FARP2: variants seen among roughly 807,000 people sequenced by gnomAD.
The protein encoded by FARP2 is FERM, ARH/RhoGEF and pleckstrin domain protein 2.
Under a neutral mutation model 130.5 loss-of-function variants are expected in FARP2, and 111 were observed. That is an observed-to-expected ratio of 0.85 (90% confidence interval 0.73 to 1.00). The LOEUF is 1.00. Ranked by LOEUF, FARP2 falls within the 50% of genes least tolerant of loss-of-function variation. The pLI, the probability that FARP2 is intolerant of heterozygous loss-of-function variation, is 0.00. For synonymous variants in FARP2, 504 were observed against 516.9 expected (o/e 0.98, Z 0.34); for missense variants, 1,385 against 1,346.3 (o/e 1.03, Z -0.45).
chr2:241,410,016 G>A (rs2150360122), intron 5 of FARP2, among the ~76,000 whole-genome samples: 1 of 152,234 alleles, frequency 6.6e-6, no homozygotes, highest in South Asian at 2.1e-4. Flanking sequence ...ATTGTGCACT[G>A]GGGCATGAAT....
At chr2:241,466,265 G>T in intron 17 of FARP2, 2 of 985,468 alleles carry the variant, frequency 2.0e-6, no homozygotes, top group African/African-American at 1.7e-5. Flanking sequence ...TGGAGCCCCG[G>T]TGTGGAGTGG....
At chr2:241,370,486 G>C (rs968752554) in intron 1 of FARP2, among the ~76,000 whole-genome samples, 1 of 152,108 alleles carries the variant, frequency 6.6e-6, no homozygotes, top group Non-Finnish European at 1.5e-5. Context: ...CCATCCCGTA[G>C]TGTAGACATA....
Position 241,494,364 on chromosome 2 carries a change from C to G in FARP2, c.*239C>G. The G allele has an allele frequency of 9.3e-6, 3 of 322,206 alleles. No homozygotes were observed. Among genetic ancestry groups the G allele is most frequent in the East Asian group, 4.8e-5 (1 of 20,954 alleles). The allele number at this position is 322,206 out of a possible 1,614,324, so 20.0% of individuals were successfully genotyped here. A position where few individuals can be genotyped will look rare whatever the true frequency, so the allele number is the denominator to read the frequency against. Reference sequence around the variant, plus strand: ...GGGAAAAATGTGCGAGTCTTGAGCGCGGAGCCGCTCAAGCCACAGCTCCCA... The same window carrying G: ...GGGAAAAATGTGCGAGTCTTGAGCGGGGAGCCGCTCAAGCCACAGCTCCCA... On this transcript the variant is annotated 3_prime_UTR_variant, in exon 27 of 27. Transcript: ENST00000264042. The surrounding 1 kb of genome is among the most constrained non-coding windows in gnomAD (Gnocchi z 4.9).
At position 241,418,393 on chromosome 2, in the gene FARP2, C is replaced by G. The variant is rs577833533; in HGVS notation, c.771+284C>G. On this transcript the variant is annotated intron_variant, in intron 8 of 26. Transcript: ENST00000264042. Reference sequence around the variant, plus strand: ...GGATTCCCCACTGCCTCCTGCCCCCCAGGGCTGCCCACTGCCTCTGGGACT... The same window carrying G: ...GGATTCCCCACTGCCTCCTGCCCCCGAGGGCTGCCCACTGCCTCTGGGACT... 1.5e-3 allele frequency among the ~76,000 whole-genome samples: 221 copies of G among 152,258 alleles called. No individual in the cohort carries two copies. The Middle Eastern group carries it at 0.017, about 12-fold the overall frequency.
chr2:241,441,360 CT>C lies in FARP2; in HGVS notation c.1219del (p.Tyr407ThrfsTer82). On this transcript the variant is annotated frameshift_variant, in exon 13 of 27. Coordinates refer to ENST00000264042, the MANE Select transcript of FARP2 (RefSeq NM_014808.4). LOFTEE classifies it high-confidence loss of function. ...CTGCCTCCCCATCTTCAGCGAATGC[CT>C]TTTACTCGCTCTCTCCCTCCACTCT... Reference protein sequence around the residue: ...TPASPSSANAFYSLSPSTLVP... With the variant: ...TPASPSSANAXYSLSPSTLVP... 1 of 1,613,960 alleles carries C rather than the reference CT, an allele frequency of 6.2e-7. No homozygotes were observed. The highest frequency in any genetic ancestry group is 8.5e-7 in the Non-Finnish European group (1 of 1,179,846).
chr2:241,381,861 C>G (rs540246273), intron 2 of FARP2, among the ~76,000 whole-genome samples: 1 of 152,316 alleles, frequency 6.6e-6, no homozygotes, highest in Non-Finnish European at 1.5e-5. Flanking sequence ...TGAAGCTGCC[C>G]CTGGTGAAGC....
chr2:241,470,387 C>T (rs1053017316), intron 18 of FARP2, among the ~76,000 whole-genome samples: 8 of 150,330 alleles, frequency 5.3e-5, no homozygotes, highest in South Asian at 2.1e-4. Context: ...TACGAGGGGA[C>T]GTGGCTCTCA....
chr2:241,408,572 T>C (rs2062428273), intron 5 of FARP2, among the ~76,000 whole-genome samples: 1 of 151,926 alleles, frequency 6.6e-6, no homozygotes, highest in Non-Finnish European at 1.5e-5. Flanking sequence ...TATTAACAAT[T>C]GTTTCATCTG....
Position 241,468,350 on chromosome 2 carries a change from G to T in FARP2, c.2104G>T (p.Gly702Trp), listed in dbSNP as rs148360632. The change falls in exon 18 of 27, where the codon GGG (glycine) becomes TGG (tryptophan). Residue 702 changes from glycine (G) to tryptophan (W), a missense_variant. Gly to Trp is a radical substitution (Grantham distance 184). Coordinates refer to ENST00000264042, the MANE Select transcript of FARP2 (RefSeq NM_014808.4). ...CCGCCTATGCGGACATTACAGCCCCGGGCACCATGACTACGCTGACTGCCA... is the reference window on the plus strand; with the variant it reads ...CCGCCTATGCGGACATTACAGCCCCTGGCACCATGACTACGCTGACTGCCA... ...LRRLCGHYSP[G>W]HHDYADCHDA... 1.8e-4 allele frequency: 285 copies of T among 1,613,138 alleles called. No homozygotes were observed. In the African/African-American group the frequency reaches 3.4e-3, roughly 19 times the overall value.
At chr2:241,376,843 A>G (rs925597963) in intron 2 of FARP2, among the ~76,000 whole-genome samples, 1 of 152,156 alleles carries the variant, frequency 6.6e-6, no homozygotes, top group Non-Finnish European at 1.5e-5. Flanking sequence ...TGAAGACACC[A>G]CATCCTAGTG....
intron 14 of FARP2, among the ~76,000 whole-genome samples, chr2:241,457,905 G>A (rs547884793): frequency 3.3e-5 from 5 of 152,264 alleles, no homozygotes; most frequent in East Asian, 1.9e-4. Context: ...GGCACGGGGA[G>A]GGGGGCACAT....
chr2:241,423,252 A>T (rs1019952155), intron 8 of FARP2, among the ~76,000 whole-genome samples: 4 of 152,234 alleles, frequency 2.6e-5, no homozygotes, highest in African/African-American at 4.8e-5. Flanking sequence ...CCTTCAGACT[A>T]ACAGGGGACC....
intron 9 of FARP2, among the ~76,000 whole-genome samples, chr2:241,433,096 G>A (rs1264977218): frequency 1.3e-5 from 2 of 150,866 alleles, no homozygotes; most frequent in Non-Finnish European, 2.9e-5. Flanking sequence ...ACACACATAC[G>A]AAACACAAGT....
chr2:241,451,252 G>A (rs2063650097), intron 13 of FARP2, among the ~76,000 whole-genome samples: 2 of 152,250 alleles, frequency 1.3e-5, no homozygotes, highest in South Asian at 2.1e-4. Flanking sequence ...GAGATTACAG[G>A]CATGAGCCAC....
In FARP2 at chr2:241,468,355, C is replaced by T. The variant is rs1021028200; in HGVS notation, c.2109C>T (p.His703=). Residue 703 remains histidine (H), a synonymous_variant, in exon 18 of 27, where the codon CAC becomes CAT. Coordinates refer to ENST00000264042, the MANE Select transcript of FARP2 (RefSeq NM_014808.4). Reference sequence around the variant, plus strand: ...TATGCGGACATTACAGCCCCGGGCACCATGACTACGCTGACTGCCATGGTG... The same window carrying T: ...TATGCGGACATTACAGCCCCGGGCATCATGACTACGCTGACTGCCATGGTG... ...RRLCGHYSPG[H]HDYADCHDAL... is the part of the protein sequence containing the mutation. The T allele has an allele frequency of 1.1e-5, 17 of 1,613,022 alleles. No homozygotes were observed. Among genetic ancestry groups the T allele is most frequent in the Non-Finnish European group, 1.4e-5 (17 of 1,179,812 alleles).
At chr2:241,425,560 G>A (rs1418235890) in intron 8 of FARP2, among the ~76,000 whole-genome samples, 1 of 148,966 alleles carries the variant, frequency 6.7e-6, no homozygotes, top group Non-Finnish European at 1.5e-5. Context: ...GGGGCTTTCC[G>A]AGCCAGGGGG....
intron 17 of FARP2, chr2:241,466,090 C>A (rs2064160398): frequency 9.1e-7 from 1 of 1,102,842 alleles, no homozygotes; most frequent in South Asian, 2.8e-5. Flanking sequence ...TATTAAAACC[C>A]TTTAGCTCTG....
intron 16 of FARP2, 162 bp from the exon 17 acceptor site, chr2:241,463,734 TAGC>T (rs2064091192): frequency 1.4e-6 from 1 of 690,120 alleles, no homozygotes; most frequent in Non-Finnish European, 2.4e-6. Flanking sequence ...AGACACATAA[TAGC>T]AGCTTCCATC....
In FARP2 at chr2:241,468,353, C is replaced by T; in HGVS notation, c.2107C>T (p.His703Tyr). The T allele has an allele frequency of 6.2e-7, 1 of 1,613,080 alleles. No homozygotes were observed. The highest frequency in any genetic ancestry group is 8.5e-7 in the Non-Finnish European group (1 of 1,179,822). The part of the protein sequence containing the change: ...RRLCGHYSPG[H>Y]HDYADCHDAL... ...CCTATGCGGACATTACAGCCCCGGG[C>T]ACCATGACTACGCTGACTGCCATGG... Residue 703 changes from histidine to tyrosine, a missense_variant, in exon 18 of 27, where the codon CAC becomes TAC. Physicochemically the swap from His to Tyr is moderately conservative, Grantham distance 83. Transcript: ENST00000264042.
Sources: allele counts gnomAD v4.1 joint callset (sites outside exome capture counted in the v4.1 genomes callset), GRCh38; gene constraint gnomAD v4.1.1; non-coding constraint Gnocchi (gnomAD v3.1); transcripts MANE v1.5; gene names NCBI Gene and HGNC (gene_info 2026-07-23, HGNC 2026-07-21).